The following MYO9A variants were observed in gnomAD, a reference collection of about 807,000 sequenced individuals.
MYO9A encodes unconventional myosin-IXa.
In MYO9A, 103 loss-of-function variants were observed where a neutral mutation model predicts 293.3. That is an observed-to-expected ratio of 0.35 (90% confidence interval 0.30 to 0.41). The LOEUF (loss-of-function observed/expected upper bound fraction) is 0.41. MYO9A is among the 10% of genes least tolerant of loss of function. MYO9A has a pLI of 1.00. For synonymous variants in MYO9A, 1,001 were observed against 1,035.7 expected (o/e 0.97, Z 0.64); for missense variants, 2,685 against 3,033.0 (o/e 0.89, Z 2.69).
At chr15:71,975,089 C>T (rs757574503) in intron 12 of MYO9A, among the ~76,000 whole-genome samples, 1 of 152,204 alleles carries the variant, frequency 6.6e-6, no homozygotes, top group Non-Finnish European at 1.5e-5. Context: ...ACTGCTCCTG[C>T]TTCTGGAATC....
At chr15:72,012,129 A>G (rs1190476891) in intron 6 of MYO9A, among the ~76,000 whole-genome samples, 1 of 152,198 alleles carries the variant, frequency 6.6e-6, no homozygotes, top group East Asian at 1.9e-4. Context: ...GCTGTTACCA[A>G]TATTTTTATT....
rs770048561 is a variant in MYO9A, at chr15:72,020,939, C to T, written c.1077G>A (p.Glu359=). 2.6e-6 allele frequency: 4 copies of T among 1,540,648 alleles called. No homozygotes were observed. In the South Asian group the frequency reaches 5.2e-5, roughly 20 times the overall value. Reference sequence around the variant, plus strand: ...TCACCTGATTGAGATAATGATATTCCTCTGGTTGCTTAAGATGGAATGCTG... The same window carrying T: ...TCACCTGATTGAGATAATGATATTCTTCTGGTTGCTTAAGATGGAATGCTG... ...ERSAFHLKQP[E]EYHYLNQITK... Residue 359 remains glutamate (E), a synonymous_variant, in exon 5 of 42, where the codon GAG becomes GAA. Coordinates refer to ENST00000356056, the MANE Select transcript of MYO9A (RefSeq NM_006901.4).
chr15:71,926,967 G>A (rs2058329856), intron 18 of MYO9A, among the ~76,000 whole-genome samples: 3 of 151,658 alleles, frequency 2.0e-5, no homozygotes, highest in Admixed American at 6.6e-5. Flanking sequence ...CAGGGGTGGG[G>A]ATGCTGGGTG....
At chr15:71,893,544 C>T (rs2057237702) in intron 26 of MYO9A, 135 bp downstream of exon 26, 3 of 696,348 alleles carry the variant, frequency 4.3e-6, no homozygotes, top group Non-Finnish European at 7.1e-6. Flanking sequence ...ACAATCTCCG[C>T]TCATGGCTTC....
chr15:72,002,540 G>T (rs1486190456), intron 8 of MYO9A, among the ~76,000 whole-genome samples: 2 of 151,936 alleles, frequency 1.3e-5, no homozygotes, highest in Non-Finnish European at 2.9e-5. Flanking sequence ...CAAAAAAGAA[G>T]AATATAGAAT....
chr15:71,826,402 G>A lies in MYO9A; in HGVS notation c.*178C>T. 1 of 605,678 alleles carries A rather than the reference G, an allele frequency of 1.7e-6. No individual in the cohort carries two copies. The highest frequency in any genetic ancestry group is 2.9e-5 in the East Asian group (1 of 33,966). The allele number at this position is 605,678 out of a possible 1,614,324, so 37.5% of individuals were successfully genotyped here. A position where few individuals can be genotyped will look rare whatever the true frequency, so the allele number is the denominator to read the frequency against. ...GGCACAGCTGGCACCATCCCCAGCA[G>A]GCTTTCTGCTTCTGCAGGAGGCCCA... On this transcript the variant is annotated 3_prime_UTR_variant, in exon 42 of 42. Coordinates refer to ENST00000356056, the MANE Select transcript of MYO9A (RefSeq NM_006901.4).
At chr15:71,885,424 A>G (rs2056990426) in intron 27 of MYO9A, among the ~76,000 whole-genome samples, 1 of 152,024 alleles carries the variant, frequency 6.6e-6, no homozygotes, top group Non-Finnish European at 1.5e-5. Context: ...ACTTTTCTAT[A>G]TACAATTCAC....
intron 1 of MYO9A, among the ~76,000 whole-genome samples, chr15:72,052,665 C>T (rs2078601372): frequency 6.6e-6 from 1 of 152,224 alleles, no homozygotes; most frequent in Admixed American, 6.5e-5. Flanking sequence ...TTCCGAGCAC[C>T]ACTGCATTCC....
At position 71,938,996 on chromosome 15, in the gene MYO9A, C is replaced by A; in HGVS notation, c.2303-69G>T. 2.4e-6 allele frequency: 3 copies of A among 1,270,346 alleles called. No individual in the cohort carries two copies. In the South Asian group the frequency reaches 4.0e-5, roughly 17 times the overall value. The allele number at this position is 1,270,346 out of a possible 1,614,324, so 78.7% of individuals were successfully genotyped here. Reference sequence around the variant, plus strand: ...AAAAATGAAACGTGAAATAGTTTTTCTAAAGACAAACGAAAATTTAATCAC... The same window carrying A: ...AAAAATGAAACGTGAAATAGTTTTTATAAAGACAAACGAAAATTTAATCAC... On this transcript the variant is annotated intron_variant, in intron 15 of 41. Transcript: ENST00000356056.
At chr15:72,106,769 T>G (rs2080584586) in intron 1 of MYO9A, among the ~76,000 whole-genome samples, 1 of 152,092 alleles carries the variant, frequency 6.6e-6, no homozygotes, top group Non-Finnish European at 1.5e-5. Flanking sequence ...CCCAGCCAAA[T>G]TAAGTCTAAA....
chr15:71,831,768 C>T (rs2054737768), intron 39 of MYO9A, among the ~76,000 whole-genome samples: 1 of 151,968 alleles, frequency 6.6e-6, no homozygotes, highest in South Asian at 2.1e-4. Context: ...AGGTAACAGG[C>T]ACAAAAGGAG....
At position 71,898,484 on chromosome 15, in the gene MYO9A, T is replaced by G. The variant is rs765224835; in HGVS notation, c.4019A>C (p.Gln1340Pro). 3.8e-5 allele frequency: 61 copies of G among 1,614,100 alleles called. No homozygotes were observed. The highest frequency in any genetic ancestry group is 5.2e-5 in the Non-Finnish European group (61 of 1,180,028). ...SLELLSYEES[Q>P]KSKLESVISD... ...AATGACAGACTCTAGTTTGCTCTTTTGGCTTTCCTCATAGCTCAGAAGTTC... is the reference window on the plus strand; with the variant it reads ...AATGACAGACTCTAGTTTGCTCTTTGGGCTTTCCTCATAGCTCAGAAGTTC... Residue 1340 changes from glutamine to proline, a missense_variant, in exon 25 of 42, where the codon CAA becomes CCA. This residue lies in a region of MYO9A where 1,434 missense variants were observed against 1,497.7 expected (regional missense o/e 0.96). Transcript: ENST00000356056.
At chr15:72,091,568 G>C (rs761874598) in intron 1 of MYO9A, among the ~76,000 whole-genome samples, 2 of 151,968 alleles carry the variant, frequency 1.3e-5, no homozygotes, top group Non-Finnish European at 2.9e-5. Flanking sequence ...AACTTTACCT[G>C]AACTACTCTC....
intron 1 of MYO9A, among the ~76,000 whole-genome samples, chr15:72,113,901 C>T (rs1047967543): frequency 2.0e-5 from 3 of 152,076 alleles, no homozygotes; most frequent in African/African-American, 4.8e-5. Flanking sequence ...TCTTTTAAAA[C>T]GTTTTAAAAC....
chr15:72,092,910 TAC>T (rs59999448), intron 1 of MYO9A, among the ~76,000 whole-genome samples: 9,270 of 141,060 alleles, frequency 0.066, 425 homozygotes, highest in African/African-American at 0.14. Flanking sequence ...CCACCTTACT[TAC>T]ACACACACAC....
intron 11 of MYO9A, among the ~76,000 whole-genome samples, chr15:71,990,537 C>T (rs893926684): frequency 2.0e-5 from 3 of 151,988 alleles, no homozygotes; most frequent in East Asian, 1.9e-4. Context: ...GGGTGGATCA[C>T]GAGGTCAGGA....
intron 7 of MYO9A, among the ~76,000 whole-genome samples, 195 bp from the exon 8 acceptor site, chr15:72,008,147 T>C (rs1046493082): frequency 7.2e-5 from 11 of 152,206 alleles, no homozygotes; most frequent in Non-Finnish European, 1.5e-4. Context: ...ATGCTTTTCA[T>C]GGCCTTAAGT....
chr15:71,971,381 T>C (rs1473622170), intron 12 of MYO9A, among the ~76,000 whole-genome samples: 1 of 151,952 alleles, frequency 6.6e-6, no homozygotes, highest in African/African-American at 2.4e-5. Context: ...GCCCAGGAGT[T>C]TGAGACCAGC....
At chr15:72,029,448 A>G (rs2077792682) in intron 3 of MYO9A, among the ~76,000 whole-genome samples, 1 of 152,180 alleles carries the variant, frequency 6.6e-6, no homozygotes, top group South Asian at 2.1e-4. Flanking sequence ...ACTGAATACT[A>G]TAGGCAACTG....
Sources: allele counts gnomAD v4.1 joint callset (sites outside exome capture counted in the v4.1 genomes callset), GRCh38; gene constraint gnomAD v4.1.1; regional missense constraint gnomAD v4.1.1; transcripts MANE v1.5; gene names NCBI Gene and HGNC (gene_info 2026-07-23, HGNC 2026-07-21).